REEP5: variants seen among roughly 807,000 people sequenced by gnomAD.
REEP5 encodes the protein receptor accessory protein 5.
REEP5 carries 24 observed loss-of-function variants against 22.4 expected under a neutral mutation model. The observed-to-expected ratio is 1.07, with a 90% CI of 0.78 to 1.51. The LOEUF is 1.51. REEP5 is among the 40% of genes most tolerant of loss of function. The pLI is 0.00. For missense variants in REEP5, 252 were observed against 233.0 expected (o/e 1.08, Z -0.53); for synonymous variants, 103 against 88.6 (o/e 1.16, Z -0.92).
In REEP5 at chr5:112,878,782, T is replaced by C. The variant is rs921228839; in HGVS notation, c.*4A>G. Reference sequence around the variant, plus strand: ...GAGGGCAGGAAGTTTCCATCCAGTCTGGTTTAGGTGCTCTTCTTTTCTTCA... The same window carrying C: ...GAGGGCAGGAAGTTTCCATCCAGTCCGGTTTAGGTGCTCTTCTTTTCTTCA... On this transcript the variant is annotated 3_prime_UTR_variant, in exon 5 of 5. Coordinates refer to ENST00000379638, the MANE Select transcript of REEP5 (RefSeq NM_005669.5). 74 of 1,613,990 alleles carry C rather than the reference T, an allele frequency of 4.6e-5. No individual in the cohort carries two copies. The highest frequency in any genetic ancestry group is 5.8e-5 in the Non-Finnish European group (68 of 1,180,032).
intron 4 of REEP5, among the ~76,000 whole-genome samples, chr5:112,886,528 C>A (rs1768251076): frequency 6.6e-6 from 1 of 152,134 alleles, no homozygotes. Context: ...CCTGAGGGGG[C>A]TCTTTTCCCC....
At position 112,877,617 on chromosome 5, in the gene REEP5, G is replaced by A. The variant is rs1226220495; in HGVS notation, c.*1169C>T. 1 of 152,126 alleles carries A rather than the reference G, an allele frequency of 6.6e-6. No individual in the cohort carries two copies. Among genetic ancestry groups the A allele is most frequent in the East Asian group, 1.9e-4 (1 of 5,192 alleles). The allele number at this position is 152,126 out of a possible 1,614,324, so 9.4% of individuals were successfully genotyped here. A position where few individuals can be genotyped will look rare whatever the true frequency, so the allele number is the denominator to read the frequency against. On this transcript the variant is annotated 3_prime_UTR_variant, in exon 5 of 5. Coordinates refer to ENST00000379638, the MANE Select transcript of REEP5 (RefSeq NM_005669.5). ...GAAGCCTCTTGTGTTTGACCTTAAA[G>A]GCCAGAGAAAAACTGAAGATAGATT...
intron 2 of REEP5, among the ~76,000 whole-genome samples, chr5:112,911,760 T>C (rs371745378): frequency 1.6e-4 from 25 of 152,226 alleles, no homozygotes; most frequent in Non-Finnish European, 3.4e-4. Context: ...TAGGAACATA[T>C]ACACCATTGT....
intron 3 of REEP5, 97 bp from the exon 4 acceptor site, chr5:112,887,280 CCT>C: frequency 1.7e-6 from 2 of 1,163,894 alleles, no homozygotes; most frequent in Non-Finnish European, 2.2e-6. Flanking sequence ...ATGGGAGATG[CCT>C]CTGTTATTTT....
intron 2 of REEP5, among the ~76,000 whole-genome samples, chr5:112,908,258 G>A (rs971430115): frequency 3.3e-5 from 5 of 151,632 alleles, no homozygotes; most frequent in Admixed American, 2.6e-4. Flanking sequence ...CTGCCACCAC[G>A]CCCCGCTAGT....
intron 2 of REEP5, among the ~76,000 whole-genome samples, chr5:112,910,262 A>C (rs574892248): frequency 6.6e-6 from 1 of 152,192 alleles, no homozygotes; most frequent in Non-Finnish European, 1.5e-5. Flanking sequence ...AGATCGTGCC[A>C]CTGCACTCCA....
rs539060617 is a variant in REEP5, at chr5:112,877,784, A to C, written c.*1002T>G. The C allele has an allele frequency of 3.2e-4, 48 of 152,324 alleles. No homozygotes were observed. The highest frequency in any genetic ancestry group is 1.1e-3 in the African/African-American group (46 of 41,580). The allele number at this position is 152,324 out of a possible 1,614,324, so 9.4% of individuals were successfully genotyped here. A position where few individuals can be genotyped will look rare whatever the true frequency, so the allele number is the denominator to read the frequency against. On this transcript the variant is annotated 3_prime_UTR_variant, in exon 5 of 5. Coordinates refer to ENST00000379638, the MANE Select transcript of REEP5 (RefSeq NM_005669.5). Reference sequence around the variant, plus strand: ...AACATACATGTAATCAGAGGTGGACAAATCTTCAGAAGTTCCTTAAACTGG... The same window carrying C: ...AACATACATGTAATCAGAGGTGGACCAATCTTCAGAAGTTCCTTAAACTGG...
At chr5:112,901,571 G>A (rs983134976) in intron 3 of REEP5, among the ~76,000 whole-genome samples, 7 of 152,096 alleles carry the variant, frequency 4.6e-5, no homozygotes, top group Non-Finnish European at 1.0e-4. Flanking sequence ...AATTGACCAG[G>A]CGTGGTGGCA....
intron 2 of REEP5, among the ~76,000 whole-genome samples, chr5:112,906,812 G>C (rs988695173): frequency 6.6e-6 from 1 of 152,140 alleles, no homozygotes; most frequent in Admixed American, 6.5e-5. Context: ...CCACCTCAAA[G>C]TTCCAGTCTT....
chr5:112,921,403 G>A (rs1015896720), intron 1 of REEP5, 147 bp from the exon 2 acceptor site: 3 of 744,862 alleles, frequency 4.0e-6, no homozygotes, highest in Non-Finnish European at 7.0e-6. Context: ...CCACACGAAA[G>A]CTGGGCCTGC....
intron 2 of REEP5, among the ~76,000 whole-genome samples, chr5:112,914,413 T>A (rs1258688791): frequency 6.6e-6 from 1 of 151,882 alleles, no homozygotes; most frequent in African/African-American, 2.4e-5. Context: ...ATTTTTTGTA[T>A]TTTTTGTAGA....
intron 3 of REEP5, chr5:112,894,418 C>G (rs1768615399): frequency 6.6e-6 from 1 of 152,086 alleles, no homozygotes; most frequent in Admixed American, 6.6e-5. Context: ...ACCCTGCTGC[C>G]TTTTGGTTTT....
At chr5:112,918,874 T>C (rs932677915) in intron 2 of REEP5, among the ~76,000 whole-genome samples, 10 of 152,172 alleles carry the variant, frequency 6.6e-5, no homozygotes, top group African/African-American at 2.2e-4. Flanking sequence ...CCCCTTCTCA[T>C]TCCTCAGGTC....
intron 2 of REEP5, among the ~76,000 whole-genome samples, chr5:112,916,252 TG>T (rs1293197430): frequency 6.6e-6 from 1 of 152,236 alleles, no homozygotes; most frequent in Non-Finnish European, 1.5e-5. Context: ...ATATTTTCAT[TG>T]TTTTTTTTCT....
chr5:112,883,520 A>C (rs1768139841), intron 4 of REEP5, among the ~76,000 whole-genome samples: 1 of 152,046 alleles, frequency 6.6e-6, no homozygotes, highest in East Asian at 1.9e-4. Context: ...GTTGCTTCTC[A>C]TCTCTCCAGT....
At chr5:112,893,010 G>C in intron 3 of REEP5, 1 of 1,564,590 alleles carries the variant, frequency 6.4e-7, no homozygotes, top group Admixed American at 1.7e-5. Flanking sequence ...GTTCCTCTAG[G>C]TGCCGAAGTC....
At chr5:112,882,477 C>T (rs1160645598) in intron 4 of REEP5, among the ~76,000 whole-genome samples, 1 of 152,228 alleles carries the variant, frequency 6.6e-6, no homozygotes. Flanking sequence ...ACAACCTTGA[C>T]ACAACTCTCC....
At chr5:112,921,633 C>A (rs1376012499) in intron 1 of REEP5, 1 of 295,802 alleles carries the variant, frequency 3.4e-6, no homozygotes, top group Non-Finnish European at 6.4e-6. Context: ...CCCGGACTCC[C>A]GCACACGCTG....
At chr5:112,905,563 A>ACAC in intron 2 of REEP5, among the ~76,000 whole-genome samples, 1 of 147,526 alleles carries the variant, frequency 6.8e-6, no homozygotes, top group South Asian at 2.1e-4. Flanking sequence ...AAACAAAAAA[A>ACAC]AAACAAACTT....
Sources: allele counts gnomAD v4.1 joint callset (sites outside exome capture counted in the v4.1 genomes callset), GRCh38; gene constraint gnomAD v4.1.1; transcripts MANE v1.5; gene names NCBI Gene and HGNC (gene_info 2026-07-23, HGNC 2026-07-21).